PCDHA3: variants seen among roughly 807,000 people sequenced by gnomAD.
PCDHA3 encodes the protein protocadherin alpha-3.
In PCDHA3, 41 loss-of-function variants were observed where a neutral mutation model predicts 62.2. The observed-to-expected ratio is 0.66, with a 90% CI of 0.51 to 0.86. The LOEUF is 0.86. PCDHA3 is among the 40% of genes least tolerant of loss of function. The probability of loss-of-function intolerance (pLI) is 0.00; values close to 1 mark genes in which losing one functional copy is unlikely to be tolerated. For synonymous variants in PCDHA3, 640 were observed against 555.4 expected (o/e 1.15, Z -2.14); for missense variants, 1,304 against 1,241.2 (o/e 1.05, Z -0.76).
At chr5:140,911,968 T>A (rs1554195054) in intron 1 of PCDHA3, among the ~76,000 whole-genome samples, 2 of 152,138 alleles carry the variant, frequency 1.3e-5, no homozygotes, top group East Asian at 3.9e-4. Flanking sequence ...TAAGGAGTAT[T>A]AACTCACATG....
chr5:140,952,219 C>T (rs1442706652), intron 1 of PCDHA3, among the ~76,000 whole-genome samples: 24 of 152,086 alleles, frequency 1.6e-4, no homozygotes, highest in African/African-American at 4.8e-4. Flanking sequence ...CTTTTCCAGG[C>T]ACAGTGTGCA....
intron 1 of PCDHA3, among the ~76,000 whole-genome samples, chr5:140,880,283 A>G (rs1308508886): frequency 3.3e-5 from 5 of 152,250 alleles, no homozygotes; most frequent in African/African-American, 9.6e-5. Flanking sequence ...AAGTTTGACT[A>G]TCTTCATAGT....
chr5:140,987,007 A>C (rs2097221901), intron 3 of PCDHA3, among the ~76,000 whole-genome samples: 1 of 152,142 alleles, frequency 6.6e-6, no homozygotes, highest in African/African-American at 2.4e-5. Context: ...TGAGGTCATG[A>C]GTTCGAGACC....
chr5:140,816,449 A>T (rs1233984451), intron 1 of PCDHA3: 1 of 152,008 alleles, frequency 6.6e-6, no homozygotes, highest in African/African-American at 2.4e-5. Context: ...TATTTTGAAT[A>T]CTTTGTCAAG....
At chr5:140,836,168 T>G in intron 1 of PCDHA3, 2 of 1,613,802 alleles carry the variant, frequency 1.2e-6, no homozygotes, top group African/African-American at 1.3e-5. Flanking sequence ...CGAAGGTACG[T>G]GCAGTTGACG....
intron 1 of PCDHA3, among the ~76,000 whole-genome samples, chr5:140,832,886 A>G (rs1334973286): frequency 1.3e-5 from 2 of 152,182 alleles, no homozygotes; most frequent in African/African-American, 4.8e-5. Context: ...TAAAATGGAA[A>G]GAGTTTTCCC....
Position 140,968,348 on chromosome 5 carries a change from A to G in PCDHA3, c.2395-10601A>G, listed in dbSNP as rs782567344. The stretch of plus-strand genomic sequence containing the variant: ...CTCCTATGTCTCCATTAACAGTGCC[A>G]GTGGCAGCCTTTATGCTGTCAACTC... On this transcript the variant is annotated intron_variant, in intron 1 of 3. Coordinates refer to ENST00000522353, the MANE Select transcript of PCDHA3 (RefSeq NM_018906.3). 1 of 1,614,124 alleles carries G rather than the reference A, an allele frequency of 6.2e-7. No individual in the cohort carries two copies. The highest frequency in any genetic ancestry group is 2.2e-5 in the East Asian group (1 of 44,886).
At chr5:140,861,094 C>G (rs1554154151) in intron 1 of PCDHA3, 1 of 152,400 alleles carries the variant, frequency 6.6e-6, no homozygotes, top group African/African-American at 2.4e-5. Context: ...CTCCATTGTT[C>G]CTGTACTTTA....
intron 1 of PCDHA3, among the ~76,000 whole-genome samples, chr5:140,831,520 C>CT (rs2150195630): frequency 0.01 from 1,282 of 122,330 alleles, 10 homozygotes; most frequent in East Asian, 0.043. Flanking sequence ...TGCCCCCCAC[C>CT]TTTTTTTTTT....
At chr5:140,924,049 T>C (rs1554201723) in intron 1 of PCDHA3, among the ~76,000 whole-genome samples, 1 of 152,254 alleles carries the variant, frequency 6.6e-6, no homozygotes, top group East Asian at 1.9e-4. Flanking sequence ...AAAAGTTCGG[T>C]ACATCTTTAC....
intron 1 of PCDHA3, chr5:140,862,649 C>A: frequency 3.7e-6 from 2 of 543,104 alleles, no homozygotes; most frequent in South Asian, 1.4e-5. Context: ...ACAGTGTCCG[C>A]GCGGGACCGG....
Position 141,011,828 on chromosome 5 carries a change from T to C in PCDHA3, c.*1891T>C, listed in dbSNP as rs76856184. The C allele has an allele frequency of 2.5e-3, 389 of 153,920 alleles. 1 individual carries two copies. Among genetic ancestry groups the C allele is most frequent in the African/African-American group, 9.1e-3 (378 of 41,598 alleles). The allele number at this position is 153,920 out of a possible 1,614,324, so 9.5% of individuals were successfully genotyped here. ...GCTCATAGAAAGTAACAAAATTTGC[T>C]GTCACCTTAAATAAGACATTTTAAT... On this transcript the variant is annotated 3_prime_UTR_variant, in exon 4 of 4. Transcript: ENST00000522353.
At chr5:140,982,213 A>G in intron 2 of PCDHA3, 2 of 482,032 alleles carry the variant, frequency 4.1e-6, no homozygotes, top group South Asian at 8.1e-5. Context: ...TGAGCGCCAC[A>G]TGGCGTTAAT....
At chr5:140,849,973 C>T in intron 1 of PCDHA3, 1 of 1,597,728 alleles carries the variant, frequency 6.3e-7, no homozygotes. Context: ...GTGTCCTACT[C>T]GCTGGTGGAG....
At chr5:140,809,431 G>C (rs782243123) in intron 1 of PCDHA3, 2 of 1,614,226 alleles carry the variant, frequency 1.2e-6, no homozygotes, top group Non-Finnish European at 1.7e-6. Context: ...TGGGGAGCTG[G>C]TCATACTCGC....
chr5:141,002,099 GC>G (rs1399073427), intron 3 of PCDHA3, among the ~76,000 whole-genome samples: 9 of 152,362 alleles, frequency 5.9e-5, no homozygotes, highest in Non-Finnish European at 1.2e-4. Flanking sequence ...CAGGGGCTGG[GC>G]CGGAAACGGC....
chr5:140,947,270 T>C (rs1230948656), intron 1 of PCDHA3, among the ~76,000 whole-genome samples: 1 of 151,546 alleles, frequency 6.6e-6, no homozygotes, highest in Non-Finnish European at 1.5e-5. Context: ...TTGTTGAAAA[T>C]ACTTTTTCTT....
At chr5:140,869,419 C>G (rs782550413) in intron 1 of PCDHA3, 10 of 1,614,078 alleles carry the variant, frequency 6.2e-6, no homozygotes, top group African/African-American at 1.3e-5. Context: ...CAGCATCCAC[C>G]TGGAGGTGAT....
At chr5:141,003,676 C>T (rs2098133802) in intron 3 of PCDHA3, among the ~76,000 whole-genome samples, 2 of 152,124 alleles carry the variant, frequency 1.3e-5, no homozygotes, top group East Asian at 1.9e-4. Context: ...ATATGTTGTT[C>T]TGATTTTAAA....
Sources: gnomAD v4.1 joint callset for allele counts (sites outside exome capture counted in the v4.1 genomes callset) on GRCh38, gnomAD v4.1.1 for gene constraint, MANE v1.5 for transcripts, NCBI Gene and HGNC (gene_info 2026-07-23, HGNC 2026-07-21) for gene names.